The following SSPN variants were observed in gnomAD, a reference collection of about 807,000 sequenced individuals.
The protein encoded by SSPN is sarcospan.
In SSPN, 15 loss-of-function variants were observed where a neutral mutation model predicts 19.1. That is an observed-to-expected ratio of 0.78 (90% CI 0.52 to 1.21). The LOEUF is 1.21. SSPN is among the 50% of genes most tolerant of loss of function. SSPN has a pLI of 0.00. For synonymous variants in SSPN, 147 were observed against 140.3 expected (o/e 1.05, Z -0.34); for missense variants, 291 against 314.0 (o/e 0.93, Z 0.55).
At chr12:26,169,977 A>G (rs1944644784) in intron 1 of SSPN, among the ~76,000 whole-genome samples, 1 of 152,152 alleles carries the variant, frequency 6.6e-6, no homozygotes, top group Non-Finnish European at 1.5e-5. Flanking sequence ...CAAATTCCCT[A>G]TTGAGGGGTT....
chr12:26,232,104 T>C lies in SSPN; in HGVS notation c.*1028T>C. On this transcript the variant is annotated 3_prime_UTR_variant, in exon 3 of 3. Coordinates refer to ENST00000242729, the MANE Select transcript of SSPN (RefSeq NM_005086.5). ...AGTGTTTATACAAACAGCACATTTGTGATATGTTGAAAAGCATCTCTCTTG... is the reference window on the plus strand; with the variant it reads ...AGTGTTTATACAAACAGCACATTTGCGATATGTTGAAAAGCATCTCTCTTG... 1 of 985,452 alleles carries C rather than the reference T, an allele frequency of 1.0e-6. No individual in the cohort carries two copies. Among genetic ancestry groups the C allele is most frequent in the Non-Finnish European group, 1.2e-6 (1 of 829,922 alleles). The allele number at this position is 985,452 out of a possible 1,614,324, so 61.0% of individuals were successfully genotyped here.
At chr12:26,184,095 C>T (rs1944737128) in intron 1 of SSPN, among the ~76,000 whole-genome samples, 1 of 152,122 alleles carries the variant, frequency 6.6e-6, no homozygotes. Flanking sequence ...ATCCAATAAG[C>T]CCACAGTCAC....
intron 1 of SSPN, chr12:26,124,544 C>T: frequency 6.2e-7 from 1 of 1,614,134 alleles, no homozygotes; most frequent in Non-Finnish European, 8.5e-7. Context: ...TTTCATGCTC[C>T]TTTTGGGTTT....
chr12:26,124,212 CAGTA>C (rs1565665600), intron 1 of SSPN: 14 of 1,415,404 alleles, frequency 9.9e-6, no homozygotes, highest in Non-Finnish European at 1.4e-5. Flanking sequence ...AAAGAGAAAA[CAGTA>C]AGCGAAACAT....
At chr12:26,124,987 C>CG in intron 1 of SSPN, 1 of 646,776 alleles carries the variant, frequency 1.5e-6, no homozygotes, top group East Asian at 2.8e-5. Flanking sequence ...CACGCACACT[C>CG]GCGCCGGCCC....
intron 1 of SSPN, among the ~76,000 whole-genome samples, chr12:26,189,375 C>T (rs1366081298): frequency 1.3e-5 from 2 of 152,144 alleles, no homozygotes; most frequent in Non-Finnish European, 1.5e-5. Flanking sequence ...TACATTCATA[C>T]GTACATATCT....
At chr12:26,132,324 T>C (rs542877297) in intron 1 of SSPN, among the ~76,000 whole-genome samples, 5 of 152,346 alleles carry the variant, frequency 3.3e-5, no homozygotes, top group Admixed American at 6.5e-5. Flanking sequence ...AGGGATTCAG[T>C]AGTGAACGTT....
intron 1 of SSPN, among the ~76,000 whole-genome samples, chr12:26,206,268 C>G (rs1944930702): frequency 2.0e-5 from 3 of 152,056 alleles, no homozygotes; most frequent in Non-Finnish European, 4.4e-5. Context: ...AAAACACTTT[C>G]AAAGGAGAAG....
chr12:26,135,460 A>G (rs141134887), intron 1 of SSPN, among the ~76,000 whole-genome samples: 1 of 152,132 alleles, frequency 6.6e-6, no homozygotes, highest in East Asian at 1.9e-4. Context: ...CAGTACAGAC[A>G]AAAGAGAGCT....
intron 1 of SSPN, among the ~76,000 whole-genome samples, chr12:26,149,596 C>A (rs1192173458): frequency 1.3e-5 from 2 of 152,176 alleles, no homozygotes; most frequent in African/African-American, 4.8e-5. Context: ...TTATAGATTT[C>A]TTGTGAGAGT....
At chr12:26,187,572 C>T (rs1252505955) in intron 1 of SSPN, among the ~76,000 whole-genome samples, 5 of 152,254 alleles carry the variant, frequency 3.3e-5, no homozygotes, top group South Asian at 4.1e-4. Flanking sequence ...AGAAATAGAA[C>T]GGCAGACTTT....
At chr12:26,141,301 G>A (rs1280495433) in intron 1 of SSPN, among the ~76,000 whole-genome samples, 1 of 152,136 alleles carries the variant, frequency 6.6e-6, no homozygotes, top group Non-Finnish European at 1.5e-5. Flanking sequence ...AAAATCCAAG[G>A]ACTGTGGGTG....
At chr12:26,166,621 G>T (rs1944622977) in intron 1 of SSPN, among the ~76,000 whole-genome samples, 2 of 152,214 alleles carry the variant, frequency 1.3e-5, no homozygotes, top group African/African-American at 4.8e-5. Flanking sequence ...TATATTTCAT[G>T]ACACATTGGA....
chr12:26,226,756 T>G (rs1016479596), intron 2 of SSPN, among the ~76,000 whole-genome samples: 3 of 152,112 alleles, frequency 2.0e-5, no homozygotes, highest in Non-Finnish European at 4.4e-5. Context: ...CCAGGGCACG[T>G]TCCCTCCTGC....
intron 1 of SSPN, among the ~76,000 whole-genome samples, chr12:26,207,338 C>T (rs1565687367): frequency 6.6e-6 from 1 of 151,976 alleles, no homozygotes; most frequent in Non-Finnish European, 1.5e-5. Flanking sequence ...GAAAAAAATG[C>T]CCACTTATCC....
At position 26,122,945 on chromosome 12, in the gene SSPN, G is replaced by A. The variant is rs1185198426; in HGVS notation, c.-31+793G>A. 2.6e-6 allele frequency: 4 copies of A among 1,555,062 alleles called. No homozygotes were observed. In the South Asian group the frequency reaches 4.7e-5, roughly 18 times the overall value. On this transcript the variant is annotated intron_variant, in intron 1 of 2. Coordinates refer to the SSPN transcript ENST00000538142. Reference sequence around the variant, plus strand: ...CGGACCCGGCGGCCGAGGGAGCGCCGGTGCCTTTGCTCAGAGGGACCTGTT... The same window carrying A: ...CGGACCCGGCGGCCGAGGGAGCGCCAGTGCCTTTGCTCAGAGGGACCTGTT...
chr12:26,177,424 A>G (rs1944691251), intron 1 of SSPN, among the ~76,000 whole-genome samples: 1 of 152,158 alleles, frequency 6.6e-6, no homozygotes, highest in Non-Finnish European at 1.5e-5. Context: ...GTAACCTTGA[A>G]CAGTCATGCT....
intron 1 of SSPN, among the ~76,000 whole-genome samples, chr12:26,218,075 C>T (rs566835843): frequency 0.085 from 12,604 of 149,118 alleles, 888 homozygotes; most frequent in African/African-American, 0.22. Flanking sequence ...CCCAAATGTC[C>T]AACAATGATA....
At chr12:26,123,907 T>C (rs1944337834) in intron 1 of SSPN, 1 of 745,008 alleles carries the variant, frequency 1.3e-6, no homozygotes, top group African/African-American at 1.7e-5. Context: ...ATTTCTTGCC[T>C]TCAGCTGGGA....
Sources: gnomAD v4.1 joint callset for allele counts (sites outside exome capture counted in the v4.1 genomes callset) on GRCh38, gnomAD v4.1.1 for gene constraint, MANE v1.5 for transcripts, NCBI Gene and HGNC (gene_info 2026-07-23, HGNC 2026-07-21) for gene names.